ASCC3: variants seen among roughly 807,000 people sequenced by gnomAD.
ASCC3 encodes the protein activating signal cointegrator 1 complex subunit 3.
In ASCC3, 158 loss-of-function variants were observed where a neutral mutation model predicts 256.3. That is an observed-to-expected ratio of 0.62 (90% CI 0.54 to 0.70). The LOEUF is 0.70. Ranked by LOEUF, ASCC3 falls within the 30% of genes least tolerant of loss-of-function variation. The probability of loss-of-function intolerance (pLI) is 0.00; values close to 1 mark genes in which losing one functional copy is unlikely to be tolerated. For missense variants in ASCC3, 2,259 were observed against 2,626.0 expected, an observed-to-expected ratio of 0.86 and a Z score of 3.05; for synonymous variants, 948 against 883.4, an observed-to-expected ratio of 1.07 and a Z score of -1.30.
intron 4 of ASCC3, among the ~76,000 whole-genome samples, chr6:100,808,878 C>T (rs950335301): frequency 2.0e-5 from 3 of 151,888 alleles, no homozygotes; most frequent in Non-Finnish European, 4.4e-5. Context: ...CCAACCTGTA[C>T]ACCATGCTAC....
At chr6:100,776,743 ATTTT>A (rs891210102) in intron 8 of ASCC3, among the ~76,000 whole-genome samples, 6 of 152,042 alleles carry the variant, frequency 3.9e-5, no homozygotes, top group African/African-American at 1.4e-4. Context: ...ATATATATTT[ATTTT>A]GTCAGTTAAT....
chr6:100,631,351 T>C (rs1774534503), intron 25 of ASCC3, 138 bp from the exon 26 acceptor site: 1 of 660,700 alleles, frequency 1.5e-6, no homozygotes, highest in Admixed American at 2.6e-5. Flanking sequence ...ATACTCAAAT[T>C]TTTAAATCAA....
At chr6:100,617,965 G>A (rs1379978255) in intron 30 of ASCC3, among the ~76,000 whole-genome samples, 1 of 152,184 alleles carries the variant, frequency 6.6e-6, no homozygotes, top group Admixed American at 6.5e-5. Flanking sequence ...GTCTCTGTGG[G>A]TTTTACAGAC....
intron 4 of ASCC3, among the ~76,000 whole-genome samples, chr6:100,820,207 A>G (rs1463285068): frequency 6.6e-6 from 1 of 152,232 alleles, no homozygotes; most frequent in African/African-American, 2.4e-5. Context: ...CTTGAAGAGA[A>G]CAAAGTTTAA....
intron 4 of ASCC3, among the ~76,000 whole-genome samples, chr6:100,829,465 C>G (rs1292389560): frequency 2.6e-5 from 4 of 152,142 alleles, no homozygotes; most frequent in Non-Finnish European, 4.4e-5. Context: ...GCTGGCGGGG[C>G]TCGCCAGCCG....
At chr6:100,567,031 A>T (rs1337749732) in intron 36 of ASCC3, among the ~76,000 whole-genome samples, 1 of 152,152 alleles carries the variant, frequency 6.6e-6, no homozygotes, top group Non-Finnish European at 1.5e-5. Flanking sequence ...GTTAATCACT[A>T]TCCCCTTCTT....
chr6:100,512,854 T>A lies in ASCC3; in HGVS notation c.6140A>T (p.Asp2047Val). The change falls in exon 40 of 42, where the codon GAT becomes GTT. Residue 2047 changes from aspartate to valine, a missense_variant. Coordinates refer to ENST00000369162, the MANE Select transcript of ASCC3 (RefSeq NM_006828.4). ...TTCATTATGTCCTTCAACTAAGTCA[T>A]CCCACGAGCCTTTAACACTTATGCC... ...NVGISVKGSWDDLVEGHNELS... is the reference protein window; with the variant it reads ...NVGISVKGSWVDLVEGHNELS... 1.2e-6 allele frequency: 2 copies of A among 1,614,076 alleles called. No individual in the cohort carries two copies. The highest frequency in any genetic ancestry group is 8.5e-7 in the Non-Finnish European group (1 of 1,179,982).
intron 4 of ASCC3, among the ~76,000 whole-genome samples, chr6:100,819,544 A>G (rs911062196): frequency 1.3e-5 from 2 of 152,162 alleles, no homozygotes; most frequent in African/African-American, 4.8e-5. Context: ...GGCAGCCTTC[A>G]ATCTGTGGCA....
At chr6:100,756,922 T>C (rs1046930317) in intron 10 of ASCC3, among the ~76,000 whole-genome samples, 1 of 152,086 alleles carries the variant, frequency 6.6e-6, no homozygotes, top group African/African-American at 2.4e-5. Context: ...GTACAAGACC[T>C]ATGACGAAAT....
chr6:100,584,498 T>C (rs1030471570), intron 36 of ASCC3, among the ~76,000 whole-genome samples: 1 of 152,162 alleles, frequency 6.6e-6, no homozygotes, highest in Admixed American at 6.6e-5. Context: ...GTGAGATGGG[T>C]TTCCTGAACA....
At chr6:100,580,767 G>A (rs1294256789) in intron 36 of ASCC3, among the ~76,000 whole-genome samples, 2 of 128,538 alleles carry the variant, frequency 1.6e-5, no homozygotes, top group African/African-American at 3.0e-5. Flanking sequence ...AGAGTGTGAT[G>A]TTCCCCTTCC....
At chr6:100,867,812 T>C in intron 2 of ASCC3, 96 bp downstream of exon 2, 2 of 1,095,190 alleles carry the variant, frequency 1.8e-6, no homozygotes, top group Admixed American at 2.0e-5. Flanking sequence ...AAAACTTCCA[T>C]GTTAACCACA....
chr6:100,813,476 A>C (rs9485411), intron 4 of ASCC3, among the ~76,000 whole-genome samples: 57,818 of 144,158 alleles, frequency 0.4, 12,153 homozygotes, highest in Middle Eastern at 0.55. Context: ...ACAACAACAA[A>C]AAAAAAACAC....
rs564041786 is a variant in ASCC3, at chr6:100,849,959, G to A, written c.242-1252C>T. ...TACTAAAAATACAAAAATTAGCTGG[G>A]TGTGGTGCCACACACCTGTAATCCC... On this transcript the variant is annotated intron_variant, in intron 3 of 41. Coordinates refer to ENST00000369162, the MANE Select transcript of ASCC3 (RefSeq NM_006828.4). 2.8e-4 allele frequency among the ~76,000 whole-genome samples: 42 copies of A among 152,020 alleles called. No individual in the cohort carries two copies. The South Asian group carries it at 3.5e-3, about 13-fold the overall frequency.
Position 100,687,032 on chromosome 6 carries a change from T to TCACACACA in ASCC3, c.2152-7281_2152-7280insTGTGTGTG, listed in dbSNP as rs1305315395. Among the ~76,000 whole-genome samples, 65 of 132,180 alleles carry TCACACACA rather than the reference T, an allele frequency of 4.9e-4. No individual in the cohort carries two copies. In the East Asian group the frequency reaches 5.6e-3, roughly 11 times the overall value. 86.7% of individuals were successfully genotyped at this position (132,180 alleles called of 152,430 possible). A position where few individuals can be genotyped will look rare whatever the true frequency, so the allele number is the denominator to read the frequency against. ...TTAAATCTCTCTCTCTCTCTCTCTC[T>TCACACACA]CTCACACACACACACACACACACAC... On this transcript the variant is annotated intron_variant, in intron 13 of 41. Coordinates refer to ENST00000369162, the MANE Select transcript of ASCC3 (RefSeq NM_006828.4).
At chr6:100,689,872 G>A (rs987527281) in intron 13 of ASCC3, among the ~76,000 whole-genome samples, 18 of 151,930 alleles carry the variant, frequency 1.2e-4, no homozygotes, top group Admixed American at 4.6e-4. Flanking sequence ...ACATGTATGC[G>A]TATTTTAGTG....
intron 14 of ASCC3, among the ~76,000 whole-genome samples, chr6:100,674,868 G>A (rs772138234): frequency 2.0e-5 from 3 of 151,910 alleles, no homozygotes; most frequent in Non-Finnish European, 4.4e-5. Context: ...CTGACCTCAG[G>A]TGACCTGCCT....
chr6:100,708,738 C>T (rs1026130138), intron 13 of ASCC3, among the ~76,000 whole-genome samples: 1 of 152,064 alleles, frequency 6.6e-6, no homozygotes, highest in Non-Finnish European at 1.5e-5. Flanking sequence ...AGGCAAAATA[C>T]ATATCAACTG....
At chr6:100,569,159 T>C (rs569789320) in intron 36 of ASCC3, among the ~76,000 whole-genome samples, 4 of 152,210 alleles carry the variant, frequency 2.6e-5, no homozygotes, top group African/African-American at 9.6e-5. Context: ...TTTTTGTATA[T>C]GGTGAAAGGT....
Sources: allele counts gnomAD v4.1 joint callset (sites outside exome capture counted in the v4.1 genomes callset), GRCh38; gene constraint gnomAD v4.1.1; transcripts MANE v1.5; gene names NCBI Gene and HGNC (gene_info 2026-07-23, HGNC 2026-07-21).